Variants in GNL3L observed in about 807,000 individuals in gnomAD.
GNL3L encodes guanine nucleotide-binding protein-like 3-like protein.
GNL3L carries 4 observed loss-of-function variants against 42.9 expected under a neutral mutation model. The ratio of observed to expected loss-of-function variants is 0.09; its 90% CI spans 0.05 to 0.21. The LOEUF is 0.21. GNL3L is among the 10% of genes least tolerant of loss of function. GNL3L has a pLI of 1.00. For synonymous variants in GNL3L, 159 were observed against 176.3 expected (o/e 0.90, Z 0.78); for missense variants, 412 against 481.7 (o/e 0.86, Z 1.36).
At chrX:54,569,306 A>G (rs1276396887), downstream of GNL3L, among the ~76,000 whole-genome samples, 1 of 111,732 alleles carries the variant, frequency 8.9e-6, no homozygotes. Flanking sequence ...CTTAAATTTT[A>G]GAGTTTACCA....
Position 54,562,213 on chromosome X carries a change from T to C in GNL3L, c.*1611T>C, listed in dbSNP as rs779085025. On this transcript the variant is annotated 3_prime_UTR_variant, in exon 16 of 16. Transcript: ENST00000360845. Reference sequence around the variant, plus strand: ...GGCACCTGCCACCACGCCTGGCTAGTTTTTGTATTTTTAGTAGAGACGATG... The same window carrying C: ...GGCACCTGCCACCACGCCTGGCTAGCTTTTGTATTTTTAGTAGAGACGATG... Among the ~76,000 whole-genome samples, 2 of 111,749 alleles carry C rather than the reference T, an allele frequency of 1.8e-5. No individual in the cohort carries two copies. Among genetic ancestry groups the C allele is most frequent in the Admixed American group, 9.5e-5 (1 of 10,533 alleles).
chrX:54,596,252 C>G (rs888305938), intron 16 of GNL3L, among the ~76,000 whole-genome samples: 1 of 111,838 alleles, frequency 8.9e-6, no homozygotes, highest in African/African-American at 3.3e-5. Flanking sequence ...TAGGTGTGAT[C>G]TAAGTTGTAT....
chrX:54,582,389 T>G (rs1019166222), intron 16 of GNL3L, among the ~76,000 whole-genome samples: 120 of 111,966 alleles, frequency 1.1e-3, no homozygotes, highest in African/African-American at 3.8e-3. Flanking sequence ...CTTTTCTTTA[T>G]AAATTACCTA....
At chrX:54,560,158 C>T (rs1042924679) in intron 15 of GNL3L, among the ~76,000 whole-genome samples, 2 of 111,291 alleles carry the variant, frequency 1.8e-5, no homozygotes, top group African/African-American at 3.3e-5. Context: ...GGCGAACATA[C>T]AGCCGTGTTG....
intron 9 of GNL3L, 58 bp downstream of exon 9, chrX:54,548,431 T>C: frequency 1.0e-6 from 1 of 959,088 alleles, no homozygotes; most frequent in Admixed American, 2.7e-5. Flanking sequence ...GACACTTCGC[T>C]GGGGGAAAGG....
intron 16 of GNL3L, among the ~76,000 whole-genome samples, chrX:54,598,835 A>G (rs994396501): frequency 4.5e-5 from 5 of 111,774 alleles, no homozygotes; most frequent in African/African-American, 1.6e-4. Flanking sequence ...CAAGATATAA[A>G]AGGATTTTTA....
At chrX:54,602,953 G>A (rs1019699080) in intron 16 of GNL3L, among the ~76,000 whole-genome samples, 1 of 112,045 alleles carries the variant, frequency 8.9e-6, no homozygotes, top group Non-Finnish European at 1.9e-5. Context: ...AGAGGACTCA[G>A]ATAAACTGTT....
intron 16 of GNL3L, among the ~76,000 whole-genome samples, chrX:54,614,361 G>T (rs1245314203): frequency 4.5e-5 from 5 of 111,544 alleles, no homozygotes; most frequent in African/African-American, 1.6e-4. Context: ...AGCTGTGATA[G>T]AAAAGGGCTT....
intron 5 of GNL3L, 137 bp from the exon 6 acceptor site, chrX:54,542,818 T>C: frequency 4.6e-6 from 2 of 438,486 alleles, no homozygotes; most frequent in Non-Finnish European, 8.2e-6. Context: ...TATTTCATTG[T>C]GGTTTTGATT....
chrX:54,630,701 T>TTCCTTCCTTCCTTCC, the GNL3L span, among the ~76,000 whole-genome samples: 1 of 20,679 alleles, frequency 4.8e-5, no homozygotes, highest in Non-Finnish European at 7.1e-5. Context: ...TTCCTTCCTT[T>TTCCTTCCTTCCTTCC]CTTTCTTTTT....
intron 16 of GNL3L, among the ~76,000 whole-genome samples, chrX:54,579,160 C>T (rs991603329): frequency 1.1e-4 from 12 of 111,037 alleles, no homozygotes; most frequent in African/African-American, 3.9e-4. Flanking sequence ...TCTATAAGTC[C>T]GTGGCTTGCT....
chrX:54,585,605 CT>C (rs1170347030), intron 16 of GNL3L, among the ~76,000 whole-genome samples: 2 of 111,384 alleles, frequency 1.8e-5, no homozygotes, highest in African/African-American at 6.5e-5. Flanking sequence ...GTAATATCTC[CT>C]CTTTCATTTC....
At chrX:54,639,755 G>C in the GNL3L span, among the ~76,000 whole-genome samples, 32 of 112,335 alleles carry the variant, frequency 2.8e-4, no homozygotes, top group African/African-American at 9.7e-4. Context: ...CAATTGTCCA[G>C]TGGTGAGGGC....
At chrX:54,614,709 G>A (rs1926202142) in intron 16 of GNL3L, among the ~76,000 whole-genome samples, 1 of 111,673 alleles carries the variant, frequency 9.0e-6, no homozygotes, top group African/African-American at 3.3e-5. Flanking sequence ...GGGAGTGTGT[G>A]TTCAGGAGAG....
At chrX:54,570,775 G>T (rs1189652133), downstream of GNL3L, among the ~76,000 whole-genome samples, 4 of 109,879 alleles carry the variant, frequency 3.6e-5, no homozygotes, top group Non-Finnish European at 7.6e-5. Flanking sequence ...CCTCCTCCTG[G>T]CTTTCATGCT....
intron 16 of GNL3L, among the ~76,000 whole-genome samples, chrX:54,609,732 C>A (rs1250464297): frequency 8.9e-6 from 1 of 111,992 alleles, no homozygotes; most frequent in African/African-American, 3.2e-5. Flanking sequence ...ACCAGTACCA[C>A]ACTGTTTTGG....
the GNL3L span, among the ~76,000 whole-genome samples, chrX:54,637,323 A>G: frequency 4.5e-5 from 5 of 111,925 alleles, no homozygotes; most frequent in African/African-American, 1.6e-4. Context: ...TTCTCTCAGT[A>G]GAATGTTGGC....
In GNL3L at chrX:54,552,376, C is replaced by A. The variant is rs769173297; in HGVS notation, c.1266C>A (p.Thr422=). 40 of 1,207,047 alleles carry A rather than the reference C, an allele frequency of 3.3e-5. No individual in the cohort carries two copies. Among genetic ancestry groups the A allele is most frequent in the Non-Finnish European group, 3.6e-5 (32 of 892,719 alleles). Residue 422 remains threonine (T), a synonymous_variant, in exon 13 of 16, where the codon ACC becomes ACA. Coordinates refer to ENST00000360845, the MANE Select transcript of GNL3L (RefSeq NM_001184819.2). ...HLSAEIVKEM[T]EVFDIEDTEQ... Reference sequence around the variant, plus strand: ...GTGCTGAGATCGTTAAGGAAATGACCGAGGTCTTTGACATCGAGGATACTG... The same window carrying A: ...GTGCTGAGATCGTTAAGGAAATGACAGAGGTCTTTGACATCGAGGATACTG...
intron 16 of GNL3L, among the ~76,000 whole-genome samples, chrX:54,613,999 A>G (rs1177476515): frequency 9.1e-6 from 1 of 110,018 alleles, no homozygotes; most frequent in East Asian, 2.9e-4. Context: ...AGATTATATA[A>G]CCTTTGTCTT....
Sources: gnomAD v4.1 joint callset for allele counts (sites outside exome capture counted in the v4.1 genomes callset) on GRCh38, gnomAD v4.1.1 for gene constraint, MANE v1.5 for transcripts, NCBI Gene and HGNC (gene_info 2026-07-23, HGNC 2026-07-21) for gene names.